NDUFAF6: variants seen among roughly 807,000 people sequenced by gnomAD.
The protein encoded by NDUFAF6 is NADH:ubiquinone oxidoreductase complex assembly factor 6, also known as NADH dehydrogenase (ubiquinone) complex I, assembly factor 6.
Under a neutral mutation model 40.8 loss-of-function variants are expected in NDUFAF6, and 45 were observed. The observed-to-expected ratio is 1.10, with a 90% CI of 0.87 to 1.42. The LOEUF is 1.42. Among genes scored for constraint, NDUFAF6 ranks in the 40% most tolerant of loss-of-function variants. The pLI is 0.00. For missense variants in NDUFAF6, 435 were observed against 418.5 expected, an observed-to-expected ratio of 1.04 and a Z score of -0.34; for synonymous variants, 185 against 155.9, an observed-to-expected ratio of 1.19 and a Z score of -1.39.
intron 1 of NDUFAF6, among the ~76,000 whole-genome samples, chr8:94,902,603 C>T (rs1219002324): frequency 2.0e-5 from 3 of 151,802 alleles, no homozygotes; most frequent in African/African-American, 7.3e-5. Flanking sequence ...GGATATGCTA[C>T]ACTTTGTTAT....
intron 2 of NDUFAF6, among the ~76,000 whole-genome samples, chr8:95,004,858 C>A (rs529143714): frequency 6.6e-6 from 1 of 152,316 alleles, no homozygotes; most frequent in South Asian, 2.1e-4. Context: ...GGCAGGAATT[C>A]TATTTCATTC....
chr8:95,048,038 A>G (rs1831007134), intron 6 of NDUFAF6, among the ~76,000 whole-genome samples: 1 of 152,040 alleles, frequency 6.6e-6, no homozygotes, highest in African/African-American at 2.4e-5. Flanking sequence ...TACAAAAAAT[A>G]CAAAAATTAG....
intron 3 of NDUFAF6, among the ~76,000 whole-genome samples, chr8:95,038,966 G>A (rs1365459327): frequency 6.6e-6 from 1 of 150,572 alleles, no homozygotes; most frequent in Non-Finnish European, 1.5e-5. Context: ...ACCGCACCTG[G>A]CCTATTTTTT....
At chr8:95,001,144 T>G (rs1381299968) in intron 2 of NDUFAF6, among the ~76,000 whole-genome samples, 1 of 151,902 alleles carries the variant, frequency 6.6e-6, no homozygotes. Flanking sequence ...TTAATAGGGT[T>G]GAGGTCTCGC....
At chr8:95,030,385 C>G (rs1828689274) in intron 1 of NDUFAF6, among the ~76,000 whole-genome samples, 1 of 152,040 alleles carries the variant, frequency 6.6e-6, no homozygotes, top group Non-Finnish European at 1.5e-5. Flanking sequence ...GCCACCATGC[C>G]CAGCTAATTT....
intron 2 of NDUFAF6, among the ~76,000 whole-genome samples, chr8:95,001,808 C>G (rs973491885): frequency 2.0e-5 from 3 of 152,170 alleles, no homozygotes; most frequent in African/African-American, 4.8e-5. Flanking sequence ...TTGAGTCATT[C>G]ACAGATATTC....
At chr8:95,093,730 A>C (rs1563865163) in intron 2 of NDUFAF6, among the ~76,000 whole-genome samples, 2 of 152,218 alleles carry the variant, frequency 1.3e-5, no homozygotes, top group African/African-American at 4.8e-5. Context: ...ATTTTGCCTC[A>C]GTTTCTTTCC....
chr8:94,995,576 AAAAAT>A (rs903085598), intron 2 of NDUFAF6, among the ~76,000 whole-genome samples: 4 of 151,978 alleles, frequency 2.6e-5, no homozygotes, highest in South Asian at 2.1e-4. Context: ...CCCCATCTTT[AAAAAT>A]AAAATAAAAC....
At chr8:95,056,163 TGTA>T (rs1481688790) in intron 8 of NDUFAF6, among the ~76,000 whole-genome samples, 1 of 152,156 alleles carries the variant, frequency 6.6e-6, no homozygotes, top group Non-Finnish European at 1.5e-5. Flanking sequence ...TTCACTTCAC[TGTA>T]GTATAATATT....
At position 94,933,886 on chromosome 8, in the gene NDUFAF6, C is replaced by T. The variant is rs1459973096; in HGVS notation, c.-935-11597C>T. Among the ~76,000 whole-genome samples the T allele has an allele frequency of 2.2e-5, 3 of 133,874 alleles. No homozygotes were observed. The Admixed American group carries it at 2.5e-4, about 11-fold the overall frequency. 87.8% of individuals were successfully genotyped at this position (133,874 alleles called of 152,430 possible). A position where few individuals can be genotyped will look rare whatever the true frequency, so the allele number is the denominator to read the frequency against. On this transcript the variant is annotated intron_variant, in intron 1 of 14. Coordinates refer to the NDUFAF6 transcript ENST00000396113. ...AGGAGTTCAAGACCAGCCTGGCCAA[C>T]ATGGTGAAGCCCCGTCTCTACTAAA... is the stretch of plus-strand genomic sequence containing the variant.
chr8:95,015,359 T>A (rs1053747023), intron 2 of NDUFAF6, among the ~76,000 whole-genome samples: 15 of 152,212 alleles, frequency 9.9e-5, no homozygotes, highest in African/African-American at 3.6e-4. Flanking sequence ...AGGACTTTTT[T>A]AAGAAAAGAC....
At chr8:94,925,549 CTTTTTT>C (rs1287916481) in intron 1 of NDUFAF6, among the ~76,000 whole-genome samples, 1 of 135,432 alleles carries the variant, frequency 7.4e-6, no homozygotes, top group Non-Finnish European at 1.6e-5. Flanking sequence ...AAAAGAAATC[CTTTTTT>C]TTTTTTTTTT....
chr8:95,009,227 T>G (rs1827131210), intron 2 of NDUFAF6, among the ~76,000 whole-genome samples: 1 of 150,948 alleles, frequency 6.6e-6, no homozygotes, highest in Non-Finnish European at 1.5e-5. Context: ...AAAAATAAAA[T>G]TATGTATAGA....
At chr8:94,981,940 A>C (rs1489490433) in intron 2 of NDUFAF6, among the ~76,000 whole-genome samples, 1 of 151,774 alleles carries the variant, frequency 6.6e-6, no homozygotes, top group East Asian at 1.9e-4. Flanking sequence ...AAAAAAAAAA[A>C]AAAAATTGGC....
Position 94,938,381 on chromosome 8 carries a change from T to C in NDUFAF6, c.-935-7102T>C, listed in dbSNP as rs564969721. Among the ~76,000 whole-genome samples the C allele has an allele frequency of 1.4e-4, 22 of 152,326 alleles. No individual in the cohort carries two copies. The Middle Eastern group carries it at 0.014, about 94-fold the overall frequency. Reference sequence around the variant, plus strand: ...GGCTGGACTGTGATACTGTAAAATATATATTCGGTCTTGTCAGTCTCCTGG... The same window carrying C: ...GGCTGGACTGTGATACTGTAAAATACATATTCGGTCTTGTCAGTCTCCTGG... On this transcript the variant is annotated intron_variant, in intron 1 of 14. Transcript: ENST00000396113.
intron 6 of NDUFAF6, among the ~76,000 whole-genome samples, chr8:95,048,217 T>TG (rs1165568958): frequency 4.6e-5 from 7 of 152,146 alleles, no homozygotes; most frequent in Non-Finnish European, 7.3e-5. Context: ...TCTTGTTGCA[T>TG]GTTCCAGGTG....
chr8:95,112,905 A>G (rs894952890), intron 4 of NDUFAF6, among the ~76,000 whole-genome samples: 1 of 152,274 alleles, frequency 6.6e-6, no homozygotes, highest in African/African-American at 2.4e-5. Flanking sequence ...AATGGACGCC[A>G]GTTGCCACGA....
chr8:94,976,654 A>G (rs1377691849), intron 1 of NDUFAF6, among the ~76,000 whole-genome samples: 1 of 142,716 alleles, frequency 7.0e-6, no homozygotes, highest in Non-Finnish European at 1.5e-5. Flanking sequence ...AACTTGGGCA[A>G]CAGAGCAAGA....
chr8:94,922,290 A>G (rs117774481), intron 1 of NDUFAF6, among the ~76,000 whole-genome samples: 2,183 of 152,032 alleles, frequency 0.014, 23 homozygotes, highest in Middle Eastern at 0.02. Context: ...AATTACAGGC[A>G]TGAACCACCG....
Sources: gnomAD v4.1 joint callset for allele counts (sites outside exome capture counted in the v4.1 genomes callset) on GRCh38, gnomAD v4.1.1 for gene constraint, MANE v1.5 for transcripts, NCBI Gene and HGNC (gene_info 2026-07-23, HGNC 2026-07-21) for gene names.